IGHMBP2: variants seen among roughly 807,000 people sequenced by gnomAD.
The protein encoded by IGHMBP2 is immunoglobulin mu DNA binding protein 2, also known as DNA-binding protein SMUBP-2.
Under a neutral mutation model 96.0 loss-of-function variants are expected in IGHMBP2, and 81 were observed. That is an observed-to-expected ratio of 0.84 (90% CI 0.71 to 1.01). IGHMBP2 has a LOEUF of 1.01. Ranked by LOEUF, IGHMBP2 falls within the 50% of genes least tolerant of loss-of-function variation. IGHMBP2 has a pLI of 0.00. For missense variants in IGHMBP2, 1,227 were observed against 1,306.3 expected, an observed-to-expected ratio of 0.94 and a Z score of 0.94; for synonymous variants, 557 against 548.9, an observed-to-expected ratio of 1.01 and a Z score of -0.21.
intron 2 of IGHMBP2, among the ~76,000 whole-genome samples, chr11:68,907,780 G>A (rs927508181): frequency 1.1e-4 from 16 of 151,940 alleles, no homozygotes; most frequent in African/African-American, 3.6e-4. Flanking sequence ...GGAGTGCAGT[G>A]GTGCAATCTT....
In IGHMBP2 at chr11:68,933,870, G is replaced by A. The variant is rs767709025; in HGVS notation, c.1494G>A (p.Leu498=). The stretch of plus-strand genomic sequence containing the variant: ...TGGTGGACACCGCCGGCTGCGGGCT[G>A]TTTGAGCTGGAGGAGGAGGACGAAC... ...LLLVDTAGCG[L]FELEEEDEQS... is the part of the protein sequence containing the mutation. Residue 498 remains leucine, a synonymous_variant, in exon 10 of 15, where the codon CTG becomes CTA. Transcript: ENST00000255078. 6.2e-7 allele frequency: 1 copy of A among 1,604,982 alleles called. No homozygotes were observed. The highest frequency in any genetic ancestry group is 8.5e-7 in the Non-Finnish European group (1 of 1,175,454).
intron 14 of IGHMBP2, 118 bp from the exon 15 acceptor site, chr11:68,939,416 G>A: frequency 9.8e-7 from 1 of 1,023,524 alleles, no homozygotes; most frequent in Non-Finnish European, 1.5e-6. Flanking sequence ...TGACATGGCG[G>A]GAGGAGTGGC....
intron 11 of IGHMBP2, among the ~76,000 whole-genome samples, 186 bp downstream of exon 11, chr11:68,934,744 G>A (rs772780551): frequency 4.6e-5 from 7 of 152,138 alleles, no homozygotes; most frequent in Non-Finnish European, 1.0e-4. Flanking sequence ...TCGTCTGCCC[G>A]CCCCACCTTG....
intron 6 of IGHMBP2, 101 bp from the exon 7 acceptor site, chr11:68,917,635 T>C (rs887142626): frequency 5.2e-5 from 51 of 976,908 alleles, no homozygotes; most frequent in Non-Finnish European, 7.6e-5. Context: ...TTTTACGGAG[T>C]TTATTGAACT....
At chr11:68,908,004 T>C (rs1439342577) in intron 2 of IGHMBP2, 141 bp from the exon 3 acceptor site, 4 of 835,300 alleles carry the variant, frequency 4.8e-6, no homozygotes, top group African/African-American at 1.7e-5. Context: ...TACTTTCTTT[T>C]TTTTTTTTTA....
intron 7 of IGHMBP2, among the ~76,000 whole-genome samples, chr11:68,925,525 G>A (rs1859034251): frequency 6.6e-6 from 1 of 152,166 alleles, no homozygotes; most frequent in South Asian, 2.1e-4. Flanking sequence ...AGGGTCACAA[G>A]CAGAAAATAC....
chr11:68,908,372 C>T (rs1489836898), intron 3 of IGHMBP2, 35 bp downstream of exon 3: 5 of 1,582,394 alleles, frequency 3.2e-6, no homozygotes, highest in Non-Finnish European at 4.3e-6. Flanking sequence ...TAAGTACCAT[C>T]TTCCTTCAAC....
chr11:68,933,244 C>T (rs1045296973), intron 8 of IGHMBP2, 55 bp from the exon 9 acceptor site: 6 of 1,547,300 alleles, frequency 3.9e-6, no homozygotes, highest in Non-Finnish European at 5.3e-6. Context: ...CTGTGGTTCA[C>T]ACCTGGACTC....
chr11:68,934,211 C>CT (rs1859432529), intron 10 of IGHMBP2: 2 of 618,092 alleles, frequency 3.2e-6, no homozygotes, highest in South Asian at 3.7e-5. Flanking sequence ...ACACCACCAT[C>CT]TCCCCAGTTC....
intron 13 of IGHMBP2, among the ~76,000 whole-genome samples, chr11:68,937,343 A>G (rs1859588842): frequency 1.3e-5 from 2 of 152,194 alleles, no homozygotes; most frequent in Non-Finnish European, 1.5e-5. Context: ...CACTCAGAGC[A>G]TGTCTGCAGC....
intron 8 of IGHMBP2, chr11:68,930,114 T>G: frequency 8.4e-7 from 1 of 1,186,980 alleles, no homozygotes; most frequent in Non-Finnish European, 1.1e-6. Context: ...CTGCATGGTA[T>G]CCCTTGACTG....
chr11:68,929,041 TA>T, intron 7 of IGHMBP2, 141 bp from the exon 8 acceptor site: 1 of 844,336 alleles, frequency 1.2e-6, no homozygotes, highest in Non-Finnish European at 2.0e-6. Context: ...GCCAAGTTTT[TA>T]TTACAAGATA....
chr11:68,921,395 GCC>G (rs1858871812), intron 7 of IGHMBP2, among the ~76,000 whole-genome samples: 1 of 151,982 alleles, frequency 6.6e-6, no homozygotes, highest in South Asian at 2.1e-4. Flanking sequence ...ATCACTCCTG[GCC>G]TATTTTTGTT....
Position 68,925,550 on chromosome 11 carries a change from T to C in IGHMBP2, c.1061-3633T>C, listed in dbSNP as rs1859035398. The stretch of plus-strand genomic sequence containing the variant: ...GCAGAAAATACATTTATGGGGTCTT[T>C]TATATCTACCCATGTAGTTGCCTTT... On this transcript the variant is annotated intron_variant, in intron 7 of 14. Coordinates refer to ENST00000255078, the MANE Select transcript of IGHMBP2 (RefSeq NM_002180.3). Among the ~76,000 whole-genome samples the C allele has an allele frequency of 2.6e-5, 4 of 152,324 alleles. No homozygotes were observed. The South Asian group carries it at 8.3e-4, about 32-fold the overall frequency.
At chr11:68,934,671 G>GT in intron 11 of IGHMBP2, 113 bp downstream of exon 11, 1 of 827,290 alleles carries the variant, frequency 1.2e-6, no homozygotes, top group Admixed American at 2.0e-5. Context: ...TCAGGGGTAG[G>GT]GCTGACCTTA....
intron 7 of IGHMBP2, among the ~76,000 whole-genome samples, chr11:68,925,196 A>G (rs1215025914): frequency 1.5e-5 from 2 of 131,926 alleles, no homozygotes; most frequent in African/African-American, 2.9e-5. Flanking sequence ...CCCAGGCTGT[A>G]GTGCAGTGGC....
At chr11:68,910,554 A>G (rs1858388468) in intron 4 of IGHMBP2, among the ~76,000 whole-genome samples, 1 of 152,188 alleles carries the variant, frequency 6.6e-6, no homozygotes, top group South Asian at 2.1e-4. Context: ...TGCAGGGCTG[A>G]GCACAGCACC....
At chr11:68,933,675 T>G in intron 9 of IGHMBP2, 120 bp from the exon 10 acceptor site, 1 of 991,686 alleles carries the variant, frequency 1.0e-6, no homozygotes, top group Non-Finnish European at 1.6e-6. Flanking sequence ...GATGTCCTGA[T>G]GTGCTCATTG....
At position 68,939,716 on chromosome 11, in the gene IGHMBP2, GGAGAGGGGGACGT is replaced by G. The variant is rs1392401882; in HGVS notation, c.2970_2982del (p.Glu990AspfsTer130). ...GCAACCAGAGGACCAGCCGGAGGAA[GGAGAGGGGGACGT>G]GACCGGCCGCATCCTTGCACGCCCC... On this transcript the variant is annotated frameshift_variant and stop_lost, in exon 15 of 15. Transcript: ENST00000255078. LOFTEE classifies it high-confidence loss of function. The G allele has an allele frequency of 6.2e-7, 1 of 1,610,600 alleles. No homozygotes were observed. Among genetic ancestry groups the G allele is most frequent in the Non-Finnish European group, 8.5e-7 (1 of 1,179,024 alleles).
Sources: gnomAD v4.1 joint callset for allele counts (sites outside exome capture counted in the v4.1 genomes callset) on GRCh38, gnomAD v4.1.1 for gene constraint, MANE v1.5 for transcripts, NCBI Gene and HGNC (gene_info 2026-07-23, HGNC 2026-07-21) for gene names.